KCND2: variants seen among roughly 807,000 people sequenced by gnomAD.
KCND2 encodes the protein potassium voltage-gated channel subfamily D member 2.
A neutral mutation model predicts 54.4 loss-of-function variants in KCND2; 16 were observed. That is an observed-to-expected ratio of 0.29 (90% CI 0.20 to 0.45). KCND2 has a LOEUF of 0.45. Among genes scored for constraint, KCND2 ranks in the 20% least tolerant of loss-of-function variants. The probability of loss-of-function intolerance (pLI) is 1.00; values close to 1 mark genes in which losing one functional copy is unlikely to be tolerated. For missense variants in KCND2, 486 were observed against 824.2 expected, an observed-to-expected ratio of 0.59 and a Z score of 5.02; for synonymous variants, 317 against 310.7, an observed-to-expected ratio of 1.02 and a Z score of -0.21.
chr7:120,489,445 T>C (rs987302458), intron 1 of KCND2, among the ~76,000 whole-genome samples: 2 of 152,194 alleles, frequency 1.3e-5, no homozygotes, highest in Non-Finnish European at 1.5e-5. Context: ...TTATAAATGT[T>C]AAGCCACAAC....
chr7:120,366,197 A>C (rs566152638), intron 1 of KCND2, among the ~76,000 whole-genome samples: 1 of 152,150 alleles, frequency 6.6e-6, no homozygotes, highest in South Asian at 2.1e-4. Context: ...GAGTTAAAGA[A>C]ATTTTGGCTG....
At chr7:120,448,025 G>A (rs956527297) in intron 1 of KCND2, among the ~76,000 whole-genome samples, 34 of 152,182 alleles carry the variant, frequency 2.2e-4, no homozygotes, top group Non-Finnish European at 4.4e-4. Flanking sequence ...AAAAAACCTT[G>A]ATTTTAAAAA....
At chr7:120,742,031 G>A (rs1038975129) in intron 3 of KCND2, among the ~76,000 whole-genome samples, 12 of 152,076 alleles carry the variant, frequency 7.9e-5, no homozygotes, top group African/African-American at 2.2e-4. Flanking sequence ...ACTTCATAAC[G>A]AAGAGGGAAT....
At chr7:120,482,311 A>T (rs1802617532) in intron 1 of KCND2, among the ~76,000 whole-genome samples, 1 of 152,184 alleles carries the variant, frequency 6.6e-6, no homozygotes, top group Non-Finnish European at 1.5e-5. Flanking sequence ...TTGCCTAAGA[A>T]TGAATCATTC....
chr7:120,464,179 G>C (rs1802332594), intron 1 of KCND2: 1 of 513,478 alleles, frequency 1.9e-6, no homozygotes, highest in African/African-American at 2.1e-5. Flanking sequence ...CTCTCGGTGA[G>C]TCTGTTCGTG....
At chr7:120,357,332 C>T (rs1409198209) in intron 1 of KCND2, among the ~76,000 whole-genome samples, 2 of 152,090 alleles carry the variant, frequency 1.3e-5, no homozygotes, top group African/African-American at 4.8e-5. Context: ...GATTTTATGA[C>T]TCCCAAGTCA....
In KCND2 at chr7:120,503,325, C is replaced by T. The variant is rs530907735; in HGVS notation, c.1115+227578C>T. Among the ~76,000 whole-genome samples, 6 of 151,312 alleles carry T rather than the reference C, an allele frequency of 4.0e-5. No homozygotes were observed. The East Asian group carries it at 1.2e-3, about 30-fold the overall frequency. Reference sequence around the variant, plus strand: ...TGGTTAAGATAAGAGTGAAAGTAATCCATGCTAATATTTCAGAGTTTACAT... The same window carrying T: ...TGGTTAAGATAAGAGTGAAAGTAATTCATGCTAATATTTCAGAGTTTACAT... On this transcript the variant is annotated intron_variant, in intron 1 of 5. Transcript: ENST00000331113.
chr7:120,285,013 C>A (rs992058122), intron 1 of KCND2, among the ~76,000 whole-genome samples: 4 of 152,078 alleles, frequency 2.6e-5, no homozygotes, highest in Non-Finnish European at 5.9e-5. Flanking sequence ...TAAATAAATT[C>A]ATGTAATACA....
intron 1 of KCND2, among the ~76,000 whole-genome samples, chr7:120,363,876 A>G (rs1800630001): frequency 6.6e-6 from 1 of 152,012 alleles, no homozygotes; most frequent in African/African-American, 2.4e-5. Context: ...TGCCCTTCTC[A>G]CTGGCATTCT....
chr7:120,690,493 G>A (rs2116602156), intron 1 of KCND2, among the ~76,000 whole-genome samples: 1 of 152,304 alleles, frequency 6.6e-6, no homozygotes. Context: ...AGGTCAGCTA[G>A]CAGTGGCACC....
intron 1 of KCND2, among the ~76,000 whole-genome samples, chr7:120,656,202 T>C (rs956048861): frequency 1.3e-5 from 2 of 152,192 alleles, no homozygotes; most frequent in African/African-American, 4.8e-5. Flanking sequence ...GGCCTGGCGT[T>C]CCTGGCCATC....
chr7:120,567,942 A>T (rs1292873403), intron 1 of KCND2, among the ~76,000 whole-genome samples: 1 of 152,146 alleles, frequency 6.6e-6, no homozygotes, highest in African/African-American at 2.4e-5. Flanking sequence ...TGCATCAATG[A>T]TGCATGTAAT....
intron 1 of KCND2, among the ~76,000 whole-genome samples, chr7:120,408,475 G>A (rs1207430312): frequency 2.0e-5 from 3 of 151,880 alleles, no homozygotes; most frequent in Non-Finnish European, 2.9e-5. Context: ...GAAATGATGA[G>A]AATGCCTACA....
chr7:120,609,879 C>G (rs1792930892), intron 1 of KCND2, among the ~76,000 whole-genome samples: 1 of 152,112 alleles, frequency 6.6e-6, no homozygotes, highest in African/African-American at 2.4e-5. Flanking sequence ...TTCTCACTCA[C>G]CCTTTAACCA....
chr7:120,531,891 C>T (rs1220009636), intron 1 of KCND2, among the ~76,000 whole-genome samples: 1 of 152,020 alleles, frequency 6.6e-6, no homozygotes, highest in African/African-American at 2.4e-5. Flanking sequence ...CTACTTACCT[C>T]TTCTCTCTTT....
chr7:120,553,646 A>G (rs1348813437), intron 1 of KCND2, among the ~76,000 whole-genome samples: 1 of 152,144 alleles, frequency 6.6e-6, no homozygotes, highest in South Asian at 2.1e-4. Context: ...ATCTCCATCT[A>G]TTTCTAAATG....
At chr7:120,508,075 C>T (rs1273509147) in intron 1 of KCND2, among the ~76,000 whole-genome samples, 2 of 151,182 alleles carry the variant, frequency 1.3e-5, no homozygotes, top group Non-Finnish European at 1.5e-5. Context: ...TATTAGCTGC[C>T]GTGAAAACTA....
At chr7:120,354,231 A>G (rs1584743823) in intron 1 of KCND2, among the ~76,000 whole-genome samples, 1 of 152,204 alleles carries the variant, frequency 6.6e-6, no homozygotes, top group Non-Finnish European at 1.5e-5. Flanking sequence ...TTAGCCTGTC[A>G]CAGCCACTAC....
intron 1 of KCND2, among the ~76,000 whole-genome samples, chr7:120,526,910 A>T (rs1211354666): frequency 6.6e-6 from 1 of 152,144 alleles, no homozygotes; most frequent in Non-Finnish European, 1.5e-5. Flanking sequence ...CATTTTGATA[A>T]GGTAATATGA....
Sources: gnomAD v4.1 joint callset for allele counts (sites outside exome capture counted in the v4.1 genomes callset) on GRCh38, gnomAD v4.1.1 for gene constraint, MANE v1.5 for transcripts, NCBI Gene and HGNC (gene_info 2026-07-23, HGNC 2026-07-21) for gene names.